WIPF3: variants seen among roughly 807,000 people sequenced by gnomAD.
WIPF3 encodes WAS/WASL-interacting protein family member 3.
In WIPF3, 33 loss-of-function variants were observed where a neutral mutation model predicts 38.9. The observed-to-expected ratio is 0.85, with a 90% confidence interval of 0.64 to 1.14. The LOEUF (loss-of-function observed/expected upper bound fraction) is 1.14, where lower values mean the gene tolerates loss of function less well. Ranked by LOEUF, WIPF3 falls within the 50% of genes most tolerant of loss-of-function variation. The pLI is 0.00. For synonymous variants in WIPF3, 324 were observed against 269.3 expected, an observed-to-expected ratio of 1.20 and a Z score of -1.99; for missense variants, 711 against 652.5, an observed-to-expected ratio of 1.09 and a Z score of -0.98.
chr7:29,867,673 G>A (rs890566401), intron 2 of WIPF3, among the ~76,000 whole-genome samples: 1 of 149,694 alleles, frequency 6.7e-6, no homozygotes, highest in Non-Finnish European at 1.5e-5. Flanking sequence ...TTAAAAGCCT[G>A]AGAATATTGG....
At chr7:29,886,539 T>C (rs1785886253) in intron 5 of WIPF3, among the ~76,000 whole-genome samples, 1 of 151,886 alleles carries the variant, frequency 6.6e-6, no homozygotes, top group Non-Finnish European at 1.5e-5. Flanking sequence ...GTATTTTTAG[T>C]AGAGACAGGG....
intron 2 of WIPF3, among the ~76,000 whole-genome samples, chr7:29,858,397 ATATCT>A (rs1383119931): frequency 3.9e-5 from 6 of 152,312 alleles, no homozygotes; most frequent in Admixed American, 3.3e-4. Context: ...GTGTAAGGAT[ATATCT>A]TAGGTTCAGA....
intron 1 of WIPF3, among the ~76,000 whole-genome samples, chr7:29,822,689 C>T (rs543529771): frequency 2.0e-5 from 3 of 152,342 alleles, no homozygotes; most frequent in East Asian, 3.9e-4. Flanking sequence ...AGCATATCCA[C>T]AACCCGTGTC....
chr7:29,809,596 C>T (rs1784339025), intron 1 of WIPF3, among the ~76,000 whole-genome samples: 2 of 152,236 alleles, frequency 1.3e-5, no homozygotes, highest in Non-Finnish European at 2.9e-5. Context: ...CATGCCTTTC[C>T]CCAGCCGATG....
At chr7:29,899,724 T>C (rs1338287446) in intron 7 of WIPF3, among the ~76,000 whole-genome samples, 2 of 152,182 alleles carry the variant, frequency 1.3e-5, no homozygotes, top group African/African-American at 2.4e-5. Flanking sequence ...TTTAGTGACA[T>C]GGGAAAATGT....
At chr7:29,901,281 G>A (rs1225983096) in intron 7 of WIPF3, among the ~76,000 whole-genome samples, 2 of 151,990 alleles carry the variant, frequency 1.3e-5, no homozygotes, top group African/African-American at 4.8e-5. Context: ...CTGAGATTCT[G>A]GTGGCATCTC....
chr7:29,889,463 C>A, intron 7 of WIPF3, 56 bp downstream of exon 7: 2 of 1,335,126 alleles, frequency 1.5e-6, no homozygotes, highest in Non-Finnish European at 2.2e-6. Context: ...AAATTAGGTG[C>A]CCACTGTGCA....
At chr7:29,901,027 G>T (rs915817234) in intron 7 of WIPF3, among the ~76,000 whole-genome samples, 7 of 152,192 alleles carry the variant, frequency 4.6e-5, no homozygotes, top group African/African-American at 1.7e-4. Context: ...GGTTATTCTG[G>T]GTGGTTATGA....
At chr7:29,854,840 G>A (rs1213947978) in intron 2 of WIPF3, among the ~76,000 whole-genome samples, 2 of 152,172 alleles carry the variant, frequency 1.3e-5, no homozygotes, top group African/African-American at 4.8e-5. Context: ...AAAGTGAAGT[G>A]CTAGTGCTTC....
intron 2 of WIPF3, among the ~76,000 whole-genome samples, chr7:29,837,019 A>G (rs1288758619): frequency 6.6e-6 from 1 of 150,894 alleles, no homozygotes; most frequent in Non-Finnish European, 1.5e-5. Flanking sequence ...ACTTACATCT[A>G]TGCTGATATG....
intron 7 of WIPF3, among the ~76,000 whole-genome samples, chr7:29,898,710 C>G (rs1458841608): frequency 6.6e-6 from 1 of 152,154 alleles, no homozygotes; most frequent in Non-Finnish European, 1.5e-5. Flanking sequence ...CCTTCTGATA[C>G]CTGGTTCTGA....
At position 29,844,126 on chromosome 7, in the gene WIPF3, G is replaced by T. The variant is rs1784962268; in HGVS notation, c.90+9312G>T. On this transcript the variant is annotated intron_variant, in intron 2 of 8. Transcript: ENST00000242140. This position sits in a 1 kb window ranked among gnomAD's most constrained non-coding sequence, Gnocchi z 4.8. ...GTAAAAGAAAACTGTGTGTGCACAG[G>T]CTTGCCTATGCACTCTCACATAAAG... Among the ~76,000 whole-genome samples, 1 of 152,210 alleles carries T rather than the reference G, an allele frequency of 6.6e-6. No homozygotes were observed. Among genetic ancestry groups the T allele is most frequent in the South Asian group, 2.1e-4 (1 of 4,834 alleles).
intron 2 of WIPF3, among the ~76,000 whole-genome samples, chr7:29,858,064 C>T (rs1229634055): frequency 2.0e-5 from 3 of 152,246 alleles, no homozygotes; most frequent in African/African-American, 2.4e-5. Flanking sequence ...AAGTGTCTTA[C>T]AGTCATATTA....
At chr7:29,901,858 GAAAGA>G (rs1786287630) in intron 7 of WIPF3, among the ~76,000 whole-genome samples, 5 of 141,566 alleles carry the variant, frequency 3.5e-5, no homozygotes, top group African/African-American at 1.3e-4. Flanking sequence ...AAGAAAGAAA[GAAAGA>G]AAAGAAAGAA....
chr7:29,904,250 G>T (rs1778836725), intron 7 of WIPF3, 36 bp from the exon 8 acceptor site: 1 of 1,607,204 alleles, frequency 6.2e-7, no homozygotes, highest in African/African-American at 1.3e-5. Flanking sequence ...CGGTCCCTGG[G>T]CCAATAGATA....
intron 1 of WIPF3, among the ~76,000 whole-genome samples, chr7:29,807,062 T>G (rs1251168621): frequency 6.6e-6 from 1 of 151,990 alleles, no homozygotes; most frequent in African/African-American, 2.4e-5. Flanking sequence ...ACGCTCTCTC[T>G]TCTCCGCTTC....
chr7:29,889,480 G>A (rs1785962351), intron 7 of WIPF3, 73 bp downstream of exon 7: 1 of 1,101,864 alleles, frequency 9.1e-7, no homozygotes, highest in Non-Finnish European at 1.4e-6. Flanking sequence ...TGCATCAGTT[G>A]GTCACAGACT....
chr7:29,827,725 T>C (rs2128064079), intron 1 of WIPF3, among the ~76,000 whole-genome samples: 1 of 152,304 alleles, frequency 6.6e-6, no homozygotes. Context: ...AGAGGAACAG[T>C]GTCAAAACAT....
intron 2 of WIPF3, among the ~76,000 whole-genome samples, chr7:29,850,774 C>A (rs1785081580): frequency 6.6e-6 from 1 of 152,200 alleles, no homozygotes; most frequent in Non-Finnish European, 1.5e-5. Flanking sequence ...ACCTGGCACA[C>A]ACTCACCTTC....
Sources: gnomAD v4.1 joint callset for allele counts (sites outside exome capture counted in the v4.1 genomes callset) on GRCh38, gnomAD v4.1.1 for gene constraint, Gnocchi (gnomAD v3.1) non-coding constraint, MANE v1.5 for transcripts, NCBI Gene and HGNC (gene_info 2026-07-23, HGNC 2026-07-21) for gene names.